NDST3: variants seen among roughly 807,000 people sequenced by gnomAD.
NDST3 encodes N-deacetylase and N-sulfotransferase 3.
NDST3 carries 58 observed loss-of-function variants against 96.1 expected under a neutral mutation model. That is an observed-to-expected ratio of 0.60 (90% confidence interval 0.49 to 0.75). NDST3 has a LOEUF of 0.75. Ranked by LOEUF, NDST3 falls within the 30% of genes least tolerant of loss-of-function variation. The probability of loss-of-function intolerance (pLI) is 0.00; values close to 1 mark genes in which losing one functional copy is unlikely to be tolerated. For missense variants in NDST3, 788 were observed against 1,034.2 expected, an observed-to-expected ratio of 0.76 and a Z score of 3.27; for synonymous variants, 333 against 359.7, an observed-to-expected ratio of 0.93 and a Z score of 0.84.
At chr4:118,138,027 C>T in intron 4 of NDST3, 27 bp from the exon 5 acceptor site, 3 of 1,547,382 alleles carry the variant, frequency 1.9e-6, no homozygotes, top group South Asian at 1.2e-5. Flanking sequence ...TCTTTACACG[C>T]TCCAATTAAC....
At chr4:118,152,736 C>CA (rs1382767394) in intron 6 of NDST3, among the ~76,000 whole-genome samples, 1 of 152,080 alleles carries the variant, frequency 6.6e-6, no homozygotes, top group Non-Finnish European at 1.5e-5. Context: ...AATATTCCTT[C>CA]AAAAAAAGTG....
chr4:118,091,205 G>A (rs894425458), intron 2 of NDST3, among the ~76,000 whole-genome samples: 1 of 151,606 alleles, frequency 6.6e-6, no homozygotes. Context: ...CTCATTACCT[G>A]GATGATGAAA....
intron 1 of NDST3, among the ~76,000 whole-genome samples, chr4:118,048,961 A>T (rs1724922269): frequency 6.6e-6 from 1 of 152,190 alleles, no homozygotes; most frequent in Non-Finnish European, 1.5e-5. Flanking sequence ...TCTAAGACTG[A>T]CCACATGTTT....
rs147565104 is a variant in NDST3, at chr4:118,070,993, C to T, written c.981+16102C>T. On this transcript the variant is annotated intron_variant, in intron 2 of 13. Coordinates refer to ENST00000296499, the MANE Select transcript of NDST3 (RefSeq NM_004784.3). ...GACATGAACTTGTTTTTTGTCCTTGCGATAGTTTGCTGAGAATGATGGTTT... is the reference window on the plus strand; with the variant it reads ...GACATGAACTTGTTTTTTGTCCTTGTGATAGTTTGCTGAGAATGATGGTTT... Among the ~76,000 whole-genome samples, 517 of 152,090 alleles carry T rather than the reference C, an allele frequency of 3.4e-3. 2 individuals are homozygous for T. The highest frequency in any genetic ancestry group is 0.012 in the African/African-American group (493 of 41,516).
chr4:118,169,954 G>A (rs1348201452), intron 6 of NDST3, among the ~76,000 whole-genome samples: 1 of 152,094 alleles, frequency 6.6e-6, no homozygotes, highest in East Asian at 1.9e-4. Flanking sequence ...GCTTTTCCAT[G>A]TGATCTTTAC....
In NDST3 at chr4:118,114,911, A is replaced by G. The variant is rs750181633; in HGVS notation, c.1175A>G (p.Asn392Ser). The G allele has an allele frequency of 1.2e-5, 19 of 1,613,962 alleles. No homozygotes were observed. The highest frequency in any genetic ancestry group is 2.7e-5 in the African/African-American group (2 of 74,910). Residue 392 changes from asparagine (N) to serine (S), a missense_variant, in exon 4 of 14, where the codon AAT becomes AGT. By Grantham distance (46) the Asn-to-Ser change is conservative. Transcript: ENST00000296499. ...CATATGCAGCCCCACCTCTTCCACAATGAGTCATCTTTGGTGGAGCAGATG... is the reference window on the plus strand; with the variant it reads ...CATATGCAGCCCCACCTCTTCCACAGTGAGTCATCTTTGGTGGAGCAGATG... The part of the protein sequence containing the change: ...WSHMQPHLFH[N>S]ESSLVEQMIL...
At chr4:118,137,052 C>G (rs1733158611) in intron 4 of NDST3, among the ~76,000 whole-genome samples, 1 of 152,122 alleles carries the variant, frequency 6.6e-6, no homozygotes, top group South Asian at 2.1e-4. Context: ...GCTAACCATA[C>G]CTCTAACTTT....
chr4:118,226,458 G>C (rs1449032794), intron 7 of NDST3, among the ~76,000 whole-genome samples: 1 of 152,072 alleles, frequency 6.6e-6, no homozygotes, highest in African/African-American at 2.4e-5. Context: ...CTATCCCTTT[G>C]AAGCACAGCT....
At chr4:118,066,071 ATATATAACATATTATATATTATATATAT>A (rs2110477908) in intron 2 of NDST3, among the ~76,000 whole-genome samples, 1 of 116,718 alleles carries the variant, frequency 8.6e-6, no homozygotes, top group East Asian at 2.2e-4. Flanking sequence ...TATATATTTT[ATATATAACATATTATATATTATATATAT>A]TATATAATAT....
chr4:118,089,576 C>G lies in NDST3; in HGVS notation c.982-15442C>G, dbSNP rs115316328. ...TATTAGAAGAAATACTGAGATTGGT[C>G]TGAGGCTACAACATAAACAAATGTG... On this transcript the variant is annotated intron_variant, in intron 2 of 13. Transcript: ENST00000296499. Among the ~76,000 whole-genome samples, 186 of 151,970 alleles carry G rather than the reference C, an allele frequency of 1.2e-3. 1 individual carries two copies. The highest frequency in any genetic ancestry group is 4.3e-3 in the African/African-American group (180 of 41,500).
At chr4:118,060,343 G>T (rs984614414) in intron 2 of NDST3, among the ~76,000 whole-genome samples, 2 of 151,768 alleles carry the variant, frequency 1.3e-5, no homozygotes, top group African/African-American at 2.4e-5. Flanking sequence ...TTTTGCCTTT[G>T]TTTTGCTTAA....
At chr4:118,143,102 T>C (rs12642204) in intron 5 of NDST3, among the ~76,000 whole-genome samples, 78,028 of 152,034 alleles carry the variant, frequency 0.51, 24,081 homozygotes, top group East Asian at 0.74. Context: ...AAGAAGCACA[T>C]TGAGTTGATA....
intron 5 of NDST3, among the ~76,000 whole-genome samples, chr4:118,143,162 T>C (rs1733688808): frequency 6.6e-6 from 1 of 152,206 alleles, no homozygotes; most frequent in African/African-American, 2.4e-5. Context: ...AAATATTTTC[T>C]TAAAATTATT....
intron 1 of NDST3, among the ~76,000 whole-genome samples, chr4:118,041,407 T>A (rs1265839789): frequency 6.6e-6 from 1 of 152,232 alleles, no homozygotes; most frequent in African/African-American, 2.4e-5. Flanking sequence ...GGGTGCCTTA[T>A]AGGAAATCTT....
rs1741043687 is a variant in NDST3, at chr4:118,242,090, G to A, written c.2340G>A (p.Met780Ile). Residue 780 changes from methionine to isoleucine, a missense_variant, in exon 12 of 14, where the codon ATG becomes ATA. This residue lies in a region of NDST3 where 490 missense variants were observed against 708.8 expected (regional missense o/e 0.69). Coordinates refer to ENST00000296499, the MANE Select transcript of NDST3 (RefSeq NM_004784.3). The part of the protein sequence containing the change: ...QQLRTDPATV[M>I]DEVQKFLGVL... Reference sequence around the variant, plus strand: ...TAAGAACTGATCCTGCTACAGTGATGGATGAAGTACAGAAGTTTCTAGGAG... The same window carrying A: ...TAAGAACTGATCCTGCTACAGTGATAGATGAAGTACAGAAGTTTCTAGGAG... 1 of 1,613,192 alleles carries A rather than the reference G, an allele frequency of 6.2e-7. No individual in the cohort carries two copies. The highest frequency in any genetic ancestry group is 8.5e-7 in the Non-Finnish European group (1 of 1,179,402).
intron 2 of NDST3, among the ~76,000 whole-genome samples, chr4:118,082,378 T>G (rs35591587): frequency 0.14 from 21,011 of 152,116 alleles, 1,833 homozygotes; most frequent in South Asian, 0.22. Flanking sequence ...ACTTTATTAC[T>G]CACAGCATTA....
chr4:118,201,309 TATG>T (rs1738072127), intron 6 of NDST3, among the ~76,000 whole-genome samples: 1 of 152,228 alleles, frequency 6.6e-6, no homozygotes, highest in South Asian at 2.1e-4. Context: ...CTAGTAATGG[TATG>T]GCTGAGATGA....
intron 6 of NDST3, among the ~76,000 whole-genome samples, chr4:118,206,631 T>C (rs1738459073): frequency 6.9e-6 from 1 of 144,770 alleles, no homozygotes; most frequent in Non-Finnish European, 1.5e-5. Context: ...AGCAAAGGAC[T>C]TTTGTTTTAG....
chr4:118,187,488 T>C (rs1419810293), intron 6 of NDST3, among the ~76,000 whole-genome samples: 1 of 152,178 alleles, frequency 6.6e-6, no homozygotes, highest in Non-Finnish European at 1.5e-5. Context: ...CTGTTTTTGA[T>C]TGACTATGAA....
Sources: allele counts gnomAD v4.1 joint callset (sites outside exome capture counted in the v4.1 genomes callset), GRCh38; gene constraint gnomAD v4.1.1; regional missense constraint gnomAD v4.1.1; transcripts MANE v1.5; gene names NCBI Gene and HGNC (gene_info 2026-07-23, HGNC 2026-07-21).